Variants in GOLM2 observed in about 807,000 individuals in gnomAD.
The protein encoded by GOLM2 is protein GOLM2.
GOLM2 carries 26 observed loss-of-function variants against 55.9 expected under a neutral mutation model. The ratio of observed to expected loss-of-function variants is 0.47; its 90% CI spans 0.34 to 0.65. The LOEUF is 0.65. Among genes scored for constraint, GOLM2 ranks in the 30% least tolerant of loss-of-function variants. The pLI is 0.01. For missense variants in GOLM2, 486 were observed against 531.8 expected, an observed-to-expected ratio of 0.91 and a Z score of 0.85; for synonymous variants, 165 against 194.6, an observed-to-expected ratio of 0.85 and a Z score of 1.27.
chr15:44,353,254 A>G (rs1484495167), intron 6 of GOLM2, among the ~76,000 whole-genome samples: 4 of 152,214 alleles, frequency 2.6e-5, no homozygotes, highest in Non-Finnish European at 5.9e-5. Context: ...TAACAAGGAT[A>G]TGGAGAAAAG....
intron 6 of GOLM2, among the ~76,000 whole-genome samples, chr15:44,346,403 T>C (rs2079124924): frequency 6.6e-6 from 1 of 152,090 alleles, no homozygotes; most frequent in African/African-American, 2.4e-5. Context: ...AAGGTTTAAA[T>C]GGTCACTAGG....
chr15:44,401,500 C>G (rs1410038322), intron 8 of GOLM2, among the ~76,000 whole-genome samples: 1 of 152,184 alleles, frequency 6.6e-6, no homozygotes, highest in African/African-American at 2.4e-5. Context: ...AGTCCTCCCA[C>G]CTTGGCCTCC....
chr15:44,299,354 G>A (rs1017844147), intron 1 of GOLM2, among the ~76,000 whole-genome samples: 6 of 151,192 alleles, frequency 4.0e-5, no homozygotes, highest in Middle Eastern at 3.2e-3. Context: ...GTGCAGTGGC[G>A]CGATCTCAGC....
Position 44,335,124 on chromosome 15 carries a change from A to C in GOLM2, c.577-2639A>C, listed in dbSNP as rs375438895. On this transcript the variant is annotated intron_variant, in intron 4 of 9. Coordinates refer to ENST00000299957, the MANE Select transcript of GOLM2 (RefSeq NM_138423.4). ...AAGGACTTAGTGGAAAAACTGGTGA[A>C]ATCTAAGTAAGTCTGGAGTTTAGGT... 2.4e-4 allele frequency among the ~76,000 whole-genome samples: 37 copies of C among 152,314 alleles called. No individual in the cohort carries two copies. In the East Asian group the frequency reaches 3.5e-3, roughly 14 times the overall value.
chr15:44,397,202 A>G (rs1168168511), intron 8 of GOLM2, among the ~76,000 whole-genome samples: 1 of 152,120 alleles, frequency 6.6e-6, no homozygotes, highest in Non-Finnish European at 1.5e-5. Flanking sequence ...ATCATAGGCC[A>G]GGTGTGGTGG....
chr15:44,310,211 A>G lies in GOLM2; in HGVS notation c.328-12754A>G, dbSNP rs534708676. Among the ~76,000 whole-genome samples the G allele has an allele frequency of 1.4e-4, 21 of 151,974 alleles. No individual in the cohort carries two copies. The East Asian group carries it at 3.1e-3, about 22-fold the overall frequency. ...AGCCCCTTCTTTTAAGCACTATGCT[A>G]TTGGGTTTCTGCATAGTCACAGTCT... is the stretch of plus-strand genomic sequence containing the variant. On this transcript the variant is annotated intron_variant, in intron 1 of 9. Transcript: ENST00000299957.
intron 9 of GOLM2, among the ~76,000 whole-genome samples, chr15:44,410,166 C>T (rs1253537048): frequency 2.0e-5 from 3 of 152,154 alleles, no homozygotes; most frequent in East Asian, 3.9e-4. Flanking sequence ...AGGCTGGGCG[C>T]GGTGTCTCAT....
At chr15:44,332,841 TTTA>T in intron 4 of GOLM2, among the ~76,000 whole-genome samples, 1 of 152,322 alleles carries the variant, frequency 6.6e-6, no homozygotes, top group South Asian at 2.1e-4. Flanking sequence ...GGCAAATTCT[TTTA>T]TTAATTCATT....
chr15:44,329,742 A>T (rs1324534903), intron 3 of GOLM2, among the ~76,000 whole-genome samples: 3 of 151,932 alleles, frequency 2.0e-5, no homozygotes, highest in Admixed American at 6.6e-5. Context: ...TCTGAAAAAA[A>T]TTTTTAAAAA....
At chr15:44,297,941 C>T (rs1196934638) in intron 1 of GOLM2, among the ~76,000 whole-genome samples, 4 of 145,436 alleles carry the variant, frequency 2.8e-5, no homozygotes, top group South Asian at 2.2e-4. Flanking sequence ...AATCTTGGCT[C>T]ATTGCAACCT....
chr15:44,379,780 T>C lies in GOLM2; in HGVS notation c.893T>C (p.Met298Thr), dbSNP rs1206373824. The C allele has an allele frequency of 1.3e-6, 2 of 1,597,930 alleles. No individual in the cohort carries two copies. Among genetic ancestry groups the C allele is most frequent in the Non-Finnish European group, 1.7e-6 (2 of 1,165,676 alleles). Residue 298 changes from methionine to threonine, a missense_variant, in exon 7 of 10, where the codon ATG (methionine) becomes ACG (threonine). Transcript: ENST00000299957. Reference protein sequence around the residue: ...LPTGQPLSPNMPPDSHINHNG... With the variant: ...LPTGQPLSPNTPPDSHINHNG... ...ACTGGACAACCTCTCTCCCCAAATA[T>C]GCCTCCAGGTATGAAGGCTTATGCT... is the stretch of plus-strand genomic sequence containing the variant.
rs960892638 is a variant in GOLM2, at chr15:44,351,738, A to G, written c.802+13421A>G. Among the ~76,000 whole-genome samples the G allele has an allele frequency of 2.0e-5, 3 of 152,280 alleles. No homozygotes were observed. In the East Asian group the frequency reaches 5.8e-4, roughly 29 times the overall value. ...GATAAATTCAGTAAAGTTGCAGCAT[A>G]CTAAATCAACATACAGAAATCAGTA... On this transcript the variant is annotated intron_variant, in intron 6 of 9. Coordinates refer to ENST00000299957, the MANE Select transcript of GOLM2 (RefSeq NM_138423.4).
chr15:44,327,404 A>G (rs1054429518), intron 2 of GOLM2, among the ~76,000 whole-genome samples: 5 of 151,920 alleles, frequency 3.3e-5, no homozygotes, highest in African/African-American at 1.2e-4. Context: ...ACACGTATAT[A>G]TCTATATCTC....
At chr15:44,335,551 C>T (rs1436622305) in intron 4 of GOLM2, among the ~76,000 whole-genome samples, 1 of 152,110 alleles carries the variant, frequency 6.6e-6, no homozygotes, top group African/African-American at 2.4e-5. Context: ...TAGCAATAGC[C>T]TTATGAGATA....
At chr15:44,384,520 G>T (rs1366484580) in intron 8 of GOLM2, among the ~76,000 whole-genome samples, 1 of 152,136 alleles carries the variant, frequency 6.6e-6, no homozygotes. Flanking sequence ...GCTGAGGCGG[G>T]CAGATCACGA....
At chr15:44,358,569 G>A (rs2079213276) in intron 6 of GOLM2, among the ~76,000 whole-genome samples, 1 of 152,080 alleles carries the variant, frequency 6.6e-6, no homozygotes, top group South Asian at 2.1e-4. Context: ...CATAAATATA[G>A]TCAACTGGTC....
At chr15:44,383,958 C>T (rs1283246203) in intron 8 of GOLM2, among the ~76,000 whole-genome samples, 1 of 152,062 alleles carries the variant, frequency 6.6e-6, no homozygotes, top group African/African-American at 2.4e-5. Flanking sequence ...GGATTACAAG[C>T]GTGAGCCACC....
At chr15:44,371,332 A>G (rs1202213280) in intron 6 of GOLM2, among the ~76,000 whole-genome samples, 3 of 152,180 alleles carry the variant, frequency 2.0e-5, no homozygotes, top group South Asian at 2.1e-4. Context: ...AGGAAACCCA[A>G]TACTGGTTAG....
chr15:44,411,479 T>G (rs1022129513), intron 9 of GOLM2, among the ~76,000 whole-genome samples: 1 of 152,164 alleles, frequency 6.6e-6, no homozygotes, highest in African/African-American at 2.4e-5. Context: ...TGGGTAATAG[T>G]ATGTGACCCA....
Sources: allele counts gnomAD v4.1 joint callset (sites outside exome capture counted in the v4.1 genomes callset), GRCh38; gene constraint gnomAD v4.1.1; transcripts MANE v1.5; gene names NCBI Gene and HGNC (gene_info 2026-07-23, HGNC 2026-07-21).